The following RBMS3 variants were observed in gnomAD, a reference collection of about 807,000 sequenced individuals.
RBMS3 encodes RNA binding motif single stranded interacting protein 3, also known as RNA-binding motif, single-stranded-interacting protein 3.
RBMS3 carries 27 observed loss-of-function variants against 66.8 expected under a neutral mutation model. The ratio of observed to expected loss-of-function variants is 0.40; its 90% CI spans 0.30 to 0.56. RBMS3 has a LOEUF of 0.56. RBMS3 is among the 20% of genes least tolerant of loss of function. The pLI, the probability that RBMS3 is intolerant of heterozygous loss-of-function variation, is 0.40. For missense variants in RBMS3, 513 were observed against 549.5 expected (o/e 0.93, Z 0.66); for synonymous variants, 188 against 183.0 (o/e 1.03, Z -0.22).
intron 3 of RBMS3, among the ~76,000 whole-genome samples, chr3:29,516,087 G>A (rs1398314348): frequency 6.6e-6 from 1 of 152,152 alleles, no homozygotes; most frequent in East Asian, 1.9e-4. Flanking sequence ...ATGAGAATCA[G>A]GAAGACATGG....
At chr3:29,891,004 GC>G (rs745871960) in intron 8 of RBMS3, among the ~76,000 whole-genome samples, 1 of 151,578 alleles carries the variant, frequency 6.6e-6, no homozygotes, top group Non-Finnish European at 1.5e-5. Context: ...TTGGAGAGGT[GC>G]CACATCCTAG....
intron 8 of RBMS3, among the ~76,000 whole-genome samples, chr3:29,893,929 A>T (rs959082424): frequency 1.3e-5 from 2 of 151,404 alleles, no homozygotes; most frequent in African/African-American, 4.8e-5. Context: ...CATTCATTCA[A>T]CATAGAGTTA....
intron 1 of RBMS3, among the ~76,000 whole-genome samples, chr3:29,304,138 T>A (rs1215575155): frequency 6.6e-6 from 1 of 151,940 alleles, no homozygotes; most frequent in African/African-American, 2.4e-5. Flanking sequence ...ACTCAGTATT[T>A]GTTTGCTTTT....
chr3:29,900,210 T>C (rs1367511897), intron 10 of RBMS3, among the ~76,000 whole-genome samples: 1 of 151,788 alleles, frequency 6.6e-6, no homozygotes, highest in African/African-American at 2.4e-5. Context: ...TTAGGGACAA[T>C]TTGGAGTATC....
intron 6 of RBMS3, among the ~76,000 whole-genome samples, chr3:29,858,731 C>T (rs1048831534): frequency 1.6e-4 from 25 of 152,186 alleles, no homozygotes; most frequent in African/African-American, 6.0e-4. Context: ...TACATTATTC[C>T]CCTTATGGGG....
chr3:29,954,825 T>C (rs954526132), intron 12 of RBMS3, among the ~76,000 whole-genome samples: 1 of 152,060 alleles, frequency 6.6e-6, no homozygotes, highest in Non-Finnish European at 1.5e-5. Context: ...GCACTTCTCT[T>C]TCCTATTCAT....
chr3:29,962,873 CT>C lies in RBMS3; in HGVS notation c.1098+18629del, dbSNP rs903872204. On this transcript the variant is annotated intron_variant, in intron 12 of 14. Transcript: ENST00000383767. ...GACTCACAGCTAATGAGGACAGCTC[CT>C]TTTTTTTTTCTTCTATTTTTCTCTC... Among the ~76,000 whole-genome samples, 14 of 148,680 alleles carry C rather than the reference CT, an allele frequency of 9.4e-5. 1 individual carries two copies. The highest frequency in any genetic ancestry group is 4.3e-4 in the South Asian group (2 of 4,672).
intron 6 of RBMS3, among the ~76,000 whole-genome samples, chr3:29,858,949 G>A (rs1407629431): frequency 6.6e-6 from 1 of 152,140 alleles, no homozygotes; most frequent in Admixed American, 6.5e-5. Flanking sequence ...TATCGTCACT[G>A]TGGGGCATTT....
chr3:29,926,213 A>G (rs1406778253), intron 10 of RBMS3, among the ~76,000 whole-genome samples: 1 of 152,208 alleles, frequency 6.6e-6, no homozygotes, highest in Non-Finnish European at 1.5e-5. Flanking sequence ...TAATACTAAT[A>G]GAAAGTGTGC....
intron 4 of RBMS3, among the ~76,000 whole-genome samples, chr3:29,647,489 G>A (rs2049967033): frequency 1.3e-5 from 2 of 152,190 alleles, no homozygotes; most frequent in East Asian, 3.8e-4. Flanking sequence ...ATGTTCCATT[G>A]TCATGTTTCT....
chr3:29,393,492 G>A (rs12632598), intron 1 of RBMS3, among the ~76,000 whole-genome samples: 29,892 of 152,036 alleles, frequency 0.2, 3,783 homozygotes, highest in East Asian at 0.56. Flanking sequence ...AGGAGAAAAT[G>A]AGGACTAGTG....
intron 6 of RBMS3, among the ~76,000 whole-genome samples, chr3:29,777,358 A>G (rs1273267000): frequency 6.6e-6 from 1 of 151,920 alleles, no homozygotes; most frequent in Admixed American, 6.6e-5. Context: ...ATTTGAACAT[A>G]CGATGTTTGA....
intron 4 of RBMS3, among the ~76,000 whole-genome samples, chr3:29,592,416 A>T (rs1346443842): frequency 1.3e-5 from 2 of 152,222 alleles, no homozygotes; most frequent in African/African-American, 4.8e-5. Context: ...AATGCTCATT[A>T]TCACTGGCCA....
chr3:29,943,556 G>T (rs1353703680), intron 11 of RBMS3, among the ~76,000 whole-genome samples: 15 of 151,764 alleles, frequency 9.9e-5, no homozygotes, highest in Non-Finnish European at 2.1e-4. Context: ...CACCTTCAAT[G>T]CTAGGAGACT....
At chr3:29,652,289 CCCTTA>C (rs2050173411) in intron 4 of RBMS3, among the ~76,000 whole-genome samples, 1 of 152,038 alleles carries the variant, frequency 6.6e-6, no homozygotes, top group African/African-American at 2.4e-5. Flanking sequence ...AAAAACTTCT[CCCTTA>C]CCTTGTATAC....
At chr3:29,639,791 T>G (rs1346763896) in intron 4 of RBMS3, among the ~76,000 whole-genome samples, 1 of 151,668 alleles carries the variant, frequency 6.6e-6, no homozygotes, top group Non-Finnish European at 1.5e-5. Context: ...CAACAGCAAT[T>G]TTTACTTCCC....
intron 4 of RBMS3, among the ~76,000 whole-genome samples, chr3:29,665,692 A>G (rs534894138): frequency 2.6e-5 from 4 of 152,322 alleles, no homozygotes; most frequent in African/African-American, 9.6e-5. Context: ...TTTGAGAACA[A>G]CTTATTGGTA....
At chr3:29,974,415 T>C (rs1697421187) in intron 12 of RBMS3, among the ~76,000 whole-genome samples, 1 of 152,012 alleles carries the variant, frequency 6.6e-6, no homozygotes, top group South Asian at 2.1e-4. Flanking sequence ...CATTATTTTT[T>C]GTTTTCTGTC....
intron 1 of RBMS3, among the ~76,000 whole-genome samples, chr3:29,380,688 C>G (rs72852308): frequency 0.034 from 5,221 of 152,222 alleles, 241 homozygotes; most frequent in East Asian, 0.23. Context: ...GCTCAAATCC[C>G]ATAGTCAAAA....
Sources: allele counts gnomAD v4.1 joint callset (sites outside exome capture counted in the v4.1 genomes callset), GRCh38; gene constraint gnomAD v4.1.1; transcripts MANE v1.5; gene names NCBI Gene and HGNC (gene_info 2026-07-23, HGNC 2026-07-21).